The following HS3ST2 variants were observed in gnomAD, a reference collection of about 807,000 sequenced individuals.
HS3ST2 encodes heparan sulfate-glucosamine 3-sulfotransferase 2, also known as heparan sulfate glucosamine 3-O-sulfotransferase 2.
Under a neutral mutation model 26.3 loss-of-function variants are expected in HS3ST2, and 17 were observed. The ratio of observed to expected loss-of-function variants is 0.65; its 90% CI spans 0.44 to 0.97. The LOEUF (loss-of-function observed/expected upper bound fraction) is 0.97, where lower values mean the gene tolerates loss of function less well. HS3ST2 is among the 50% of genes least tolerant of loss of function. The pLI, the probability that HS3ST2 is intolerant of heterozygous loss-of-function variation, is 0.00. For synonymous variants in HS3ST2, 237 were observed against 219.2 expected (o/e 1.08, Z -0.72); for missense variants, 402 against 501.2 (o/e 0.80, Z 1.89).
At chr16:22,861,404 T>C (rs72770549) in intron 1 of HS3ST2, among the ~76,000 whole-genome samples, 34,779 of 151,378 alleles carry the variant, frequency 0.23, 4,566 homozygotes, top group Non-Finnish European at 0.3. Context: ...AACCTGTACT[T>C]GCTGGAGAGG....
intron 1 of HS3ST2, among the ~76,000 whole-genome samples, chr16:22,840,014 G>A (rs989340886): frequency 2.0e-5 from 3 of 152,144 alleles, no homozygotes; most frequent in Non-Finnish European, 2.9e-5. Flanking sequence ...TAACCTTACC[G>A]AAAAGGAAAT....
intron 1 of HS3ST2, among the ~76,000 whole-genome samples, chr16:22,820,278 G>C (rs1052139050): frequency 1.3e-5 from 2 of 152,184 alleles, no homozygotes; most frequent in Non-Finnish European, 2.9e-5. Flanking sequence ...GGAACATTCG[G>C]AATGGGCAAC....
intron 1 of HS3ST2, among the ~76,000 whole-genome samples, chr16:22,888,469 C>G (rs1305999135): frequency 6.6e-6 from 1 of 150,736 alleles, no homozygotes; most frequent in African/African-American, 2.4e-5. Context: ...TCACTGCAAC[C>G]TCCACCTCCC....
At position 22,814,503 on chromosome 16, in the gene HS3ST2, T is replaced by C; in HGVS notation, c.-108T>C. On this transcript the variant is annotated 5_prime_UTR_variant, in exon 1 of 2. Coordinates refer to ENST00000261374, the MANE Select transcript of HS3ST2 (RefSeq NM_006043.2). ...CGGCGCCCCCAACGCCCGACCCGCG[T>C]GGCCGTGGCAGCGCCACGCGAGCCC... 1 of 1,287,192 alleles carries C rather than the reference T, an allele frequency of 7.8e-7. No homozygotes were observed. Among genetic ancestry groups the C allele is most frequent in the Non-Finnish European group, 1.0e-6 (1 of 988,660 alleles). 79.7% of individuals were successfully genotyped at this position (1,287,192 alleles called of 1,614,324 possible).
intron 1 of HS3ST2, among the ~76,000 whole-genome samples, chr16:22,843,373 T>G (rs1289647079): frequency 6.6e-6 from 1 of 152,192 alleles, no homozygotes. Flanking sequence ...GGTTGAGGAC[T>G]CAGTTCCCAA....
chr16:22,876,941 G>A (rs1418761378), intron 1 of HS3ST2, among the ~76,000 whole-genome samples: 1 of 152,138 alleles, frequency 6.6e-6, no homozygotes, highest in Non-Finnish European at 1.5e-5. Context: ...AGGACACAAT[G>A]GCTAAGAATG....
chr16:22,892,999 A>C (rs1312466165), intron 1 of HS3ST2, among the ~76,000 whole-genome samples: 2 of 152,312 alleles, frequency 1.3e-5, no homozygotes, highest in African/African-American at 4.8e-5. Flanking sequence ...CCATCTCTCC[A>C]GTTATTAAAG....
At chr16:22,902,914 G>GA (rs1164107682) in intron 1 of HS3ST2, among the ~76,000 whole-genome samples, 1 of 151,888 alleles carries the variant, frequency 6.6e-6, no homozygotes, top group Non-Finnish European at 1.5e-5. Flanking sequence ...AAAGTGTCTG[G>GA]AAAAATATAT....
At chr16:22,830,663 G>GCTTTGCCTTGCCT (rs1901155324) in intron 1 of HS3ST2, among the ~76,000 whole-genome samples, 1 of 152,184 alleles carries the variant, frequency 6.6e-6, no homozygotes, top group South Asian at 2.1e-4. Flanking sequence ...TGGTGGAAGA[G>GCTTTGCCTTGCCT]CTGGGAGACC....
At position 22,842,062 on chromosome 16, in the gene HS3ST2, CTTTTTT is replaced by C. The variant is rs11285807; in HGVS notation, c.485+26981_485+26986del. Among the ~76,000 whole-genome samples the C allele has an allele frequency of 1.0e-3, 114 of 111,768 alleles. 2 individuals are homozygous for C. The highest frequency in any genetic ancestry group is 4.8e-3 in the Middle Eastern group (1 of 208). The allele number at this position is 111,768 out of a possible 152,430, so 73.3% of individuals were successfully genotyped here. A position where few individuals can be genotyped will look rare whatever the true frequency, so the allele number is the denominator to read the frequency against. On this transcript the variant is annotated intron_variant, in intron 1 of 1. Transcript: ENST00000261374. ...TGTAATTTCTTTTTTTCTTTTCTTT[CTTTTTT>C]TTTTTTTTTTTTTGAGACAGTATCT... is the stretch of plus-strand genomic sequence containing the variant.
chr16:22,840,297 G>A (rs1901333664), intron 1 of HS3ST2, among the ~76,000 whole-genome samples: 1 of 152,194 alleles, frequency 6.6e-6, no homozygotes, highest in African/African-American at 2.4e-5. Context: ...CTTGTGTCAG[G>A]GAGGTCACTT....
chr16:22,838,475 A>G (rs369523597), intron 1 of HS3ST2, among the ~76,000 whole-genome samples: 2 of 152,212 alleles, frequency 1.3e-5, no homozygotes, highest in East Asian at 3.9e-4. Context: ...CATAGACCAC[A>G]AACGGCCTCT....
chr16:22,915,044 C>T lies in HS3ST2; in HGVS notation c.586C>T (p.Arg196Ter), dbSNP rs754285138. The T allele has an allele frequency of 1.2e-6, 2 of 1,613,952 alleles. No homozygotes were observed. The highest frequency in any genetic ancestry group is 1.3e-5 in the African/African-American group (1 of 74,862). ...EAPRRIFNMS[R>*]DTKLIVVVRN... Reference sequence around the variant, plus strand: ...TCCTCGACGCATCTTCAACATGTCCCGAGACACCAAGCTGATCGTGGTTGT... The same window carrying T: ...TCCTCGACGCATCTTCAACATGTCCTGAGACACCAAGCTGATCGTGGTTGT... Residue 196 changes from arginine to a stop codon, truncating the protein, a stop_gained, in exon 2 of 2, where the codon CGA becomes TGA. Coordinates refer to ENST00000261374, the MANE Select transcript of HS3ST2 (RefSeq NM_006043.2). LOFTEE classifies it high-confidence loss of function.
chr16:22,858,520 A>G (rs1282302355), intron 1 of HS3ST2, among the ~76,000 whole-genome samples: 1 of 151,972 alleles, frequency 6.6e-6, no homozygotes, highest in Non-Finnish European at 1.5e-5. Context: ...ATTATTACAA[A>G]TATAATTCTA....
At position 22,914,736 on chromosome 16, in the gene HS3ST2, C is replaced by CAA. The variant is rs1159639879; in HGVS notation, c.486-181_486-180dup. On this transcript the variant is annotated intron_variant, in intron 1 of 1. Transcript: ENST00000261374. ...TGGGCGACAGAGTGAGACCTTGTCT[C>CAA]AAAAAAAAAAAAAAAAAAAAAAAAA... is the stretch of plus-strand genomic sequence containing the variant. Among the ~76,000 whole-genome samples, 29 of 35,942 alleles carry CAA rather than the reference C, an allele frequency of 8.1e-4. 1 individual carries two copies. The highest frequency in any genetic ancestry group is 1.8e-3 in the South Asian group (1 of 564). 23.6% of individuals were successfully genotyped at this position (35,942 alleles called of 152,430 possible).
At chr16:22,820,204 C>T (rs529804448) in intron 1 of HS3ST2, among the ~76,000 whole-genome samples, 39 of 152,318 alleles carry the variant, frequency 2.6e-4, no homozygotes, top group African/African-American at 8.9e-4. Flanking sequence ...CTCTGTCAGC[C>T]TTGCAGCATG....
At chr16:22,864,303 G>A (rs1901718318) in intron 1 of HS3ST2, among the ~76,000 whole-genome samples, 1 of 152,184 alleles carries the variant, frequency 6.6e-6, no homozygotes, top group Non-Finnish European at 1.5e-5. Context: ...ATTAGATAAG[G>A]CAGAAAGAGG....
At chr16:22,855,643 G>A (rs960018841) in intron 1 of HS3ST2, among the ~76,000 whole-genome samples, 1 of 151,756 alleles carries the variant, frequency 6.6e-6, no homozygotes, top group East Asian at 1.9e-4. Context: ...GGCTTCTGGG[G>A]TATCAGGAAC....
chr16:22,911,756 G>C (rs536271963), intron 1 of HS3ST2, among the ~76,000 whole-genome samples: 14 of 152,220 alleles, frequency 9.2e-5, no homozygotes, highest in African/African-American at 2.9e-4. Context: ...CTCTAATCCG[G>C]GATGATCTCA....
Sources: allele counts gnomAD v4.1 joint callset (sites outside exome capture counted in the v4.1 genomes callset), GRCh38; gene constraint gnomAD v4.1.1; transcripts MANE v1.5; gene names NCBI Gene and HGNC (gene_info 2026-07-23, HGNC 2026-07-21).